The following KCNK9 variants were observed in gnomAD, a reference collection of about 807,000 sequenced individuals.
KCNK9 encodes potassium two pore domain channel subfamily K member 9, also known as potassium channel subfamily K member 9.
In KCNK9, 1 loss-of-function variant was observed where a neutral mutation model predicts 10.8. That is an observed-to-expected ratio of 0.09 (90% CI 0.03 to 0.44). The LOEUF (loss-of-function observed/expected upper bound fraction) is 0.44. Among genes scored for constraint, KCNK9 ranks in the 20% least tolerant of loss-of-function variants. KCNK9 has a pLI of 0.97. For synonymous variants in KCNK9, 231 were observed against 222.7 expected (o/e 1.04, Z -0.33); for missense variants, 303 against 515.0 (o/e 0.59, Z 3.98).
At chr8:139,690,738 G>A (rs571195990) in intron 1 of KCNK9, among the ~76,000 whole-genome samples, 1 of 152,264 alleles carries the variant, frequency 6.6e-6, no homozygotes, top group African/African-American at 2.4e-5. Context: ...CAAGCTTGAG[G>A]AGAGATTTGG....
At chr8:139,650,324 T>C (rs1236243753) in intron 1 of KCNK9, among the ~76,000 whole-genome samples, 1 of 152,168 alleles carries the variant, frequency 6.6e-6, no homozygotes, top group East Asian at 1.9e-4. Flanking sequence ...AACATTCCCA[T>C]CCCTGTGAGC....
chr8:139,696,419 C>T (rs1474705553), intron 1 of KCNK9, among the ~76,000 whole-genome samples: 1 of 152,204 alleles, frequency 6.6e-6, no homozygotes, highest in Non-Finnish European at 1.5e-5. Flanking sequence ...GGGATTGGCT[C>T]ACCATTTGCA....
chr8:139,626,907 C>A (rs921676197), intron 1 of KCNK9, among the ~76,000 whole-genome samples: 1 of 152,230 alleles, frequency 6.6e-6, no homozygotes, highest in Admixed American at 6.5e-5. Context: ...CCACCTGGCT[C>A]CCACGGAAGC....
chr8:139,620,370 A>G (rs1414639546), intron 1 of KCNK9, among the ~76,000 whole-genome samples: 7 of 152,098 alleles, frequency 4.6e-5, no homozygotes, highest in African/African-American at 1.7e-4. Context: ...GGGTTCCATA[A>G]GTTTTTTCAA....
chr8:139,608,091 G>A (rs926067474), downstream of KCNK9, among the ~76,000 whole-genome samples: 6 of 152,160 alleles, frequency 3.9e-5, no homozygotes, highest in African/African-American at 7.2e-5. Flanking sequence ...CTCCCTCCTC[G>A]AAATCAAGCA....
At chr8:139,669,224 G>A (rs1816371927) in intron 1 of KCNK9, among the ~76,000 whole-genome samples, 1 of 152,178 alleles carries the variant, frequency 6.6e-6, no homozygotes, top group Admixed American at 6.5e-5. Flanking sequence ...TTAGGGTGGT[G>A]GTTGCTAAAG....
At position 139,617,879 on chromosome 8, in the gene KCNK9, GC is replaced by G. The variant is rs1814648486; in HGVS notation, c.*378del. On this transcript the variant is annotated 3_prime_UTR_variant, in exon 2 of 2. Transcript: ENST00000520439. ...GATTGAAGGCTGAGCGTGATGTGCA[GC>G]TTTGGGGTGGGTATCCTCTCAGCTC... 3.2e-6 allele frequency: 1 copy of G among 314,364 alleles called. No homozygotes were observed. The highest frequency in any genetic ancestry group is 8.4e-5 in the East Asian group (1 of 11,934). 19.5% of individuals were successfully genotyped at this position (314,364 alleles called of 1,614,324 possible).
chr8:139,608,731 A>G (rs2130081577), downstream of KCNK9, among the ~76,000 whole-genome samples: 1 of 152,320 alleles, frequency 6.6e-6, no homozygotes, highest in Admixed American at 6.5e-5. Flanking sequence ...CCTTCAGGCC[A>G]GAGACCCCAT....
At chr8:139,631,518 A>G (rs1231606441) in intron 1 of KCNK9, among the ~76,000 whole-genome samples, 1 of 152,134 alleles carries the variant, frequency 6.6e-6, no homozygotes, top group Non-Finnish European at 1.5e-5. Context: ...CTGGGCGCCC[A>G]CACCTGGTCA....
rs78627231 is a variant in KCNK9 at position 139,686,582 on chromosome 8, G to A, written c.283+16128C>T. 7.5e-3 allele frequency among the ~76,000 whole-genome samples: 1,137 copies of A among 152,286 alleles called. 16 individuals are homozygous for A. The highest frequency in any genetic ancestry group is 0.026 in the African/African-American group (1,080 of 41,566). ...TAATCTTCTCAACAACCTTGAGGTC[G>A]ATTATTGTTGTTGTTATCATCCTCA... On this transcript the variant is annotated intron_variant, in intron 1 of 1. Transcript: ENST00000520439.
At chr8:139,676,143 C>CA (rs1309920771) in intron 1 of KCNK9, among the ~76,000 whole-genome samples, 1 of 152,256 alleles carries the variant, frequency 6.6e-6, no homozygotes, top group East Asian at 1.9e-4. Context: ...CTCTGACCTG[C>CA]ATTAATGTGA....
intron 1 of KCNK9, among the ~76,000 whole-genome samples, chr8:139,647,075 G>A (rs925069849): frequency 3.3e-5 from 5 of 152,240 alleles, no homozygotes; most frequent in African/African-American, 7.2e-5. Flanking sequence ...CTCTGTTGGC[G>A]GCAGGGGGCT....
At chr8:139,649,037 C>T (rs1470176854) in intron 1 of KCNK9, among the ~76,000 whole-genome samples, 2 of 152,146 alleles carry the variant, frequency 1.3e-5, no homozygotes, top group Non-Finnish European at 1.5e-5. Context: ...TAAACCCAAC[C>T]CAAGGATGCA....
chr8:139,609,111 A>ACCCCGCCCCACCCCG (rs1554617336), downstream of KCNK9, among the ~76,000 whole-genome samples: 171 of 67,296 alleles, frequency 2.5e-3, 2 homozygotes, highest in African/African-American at 9.6e-3. Flanking sequence ...ATCCCACCCC[A>ACCCCGCCCCACCCCG]CCCCGCCCCG....
At chr8:139,660,894 C>T (rs1816135989) in intron 1 of KCNK9, among the ~76,000 whole-genome samples, 1 of 152,280 alleles carries the variant, frequency 6.6e-6, no homozygotes, top group East Asian at 1.9e-4. Context: ...CAGTTGCTTC[C>T]ACTTTGAAAG....
At chr8:139,681,525 C>T (rs551110956) in intron 1 of KCNK9, among the ~76,000 whole-genome samples, 1 of 152,228 alleles carries the variant, frequency 6.6e-6, no homozygotes, top group Non-Finnish European at 1.5e-5. Flanking sequence ...CATCTCCTTA[C>T]TTTGAACTTG....
intron 1 of KCNK9, among the ~76,000 whole-genome samples, chr8:139,677,685 T>C (rs74558328): frequency 0.063 from 2,428 of 38,798 alleles, 170 homozygotes; most frequent in African/African-American, 0.16. Flanking sequence ...CCCAGCCCAG[T>C]GGGTTCCCAC....
chr8:139,676,034 G>A (rs2129748557), intron 1 of KCNK9, among the ~76,000 whole-genome samples: 1 of 152,298 alleles, frequency 6.6e-6, no homozygotes, highest in South Asian at 2.1e-4. Context: ...TTTTCTATTG[G>A]CTAGTTGAAT....
intron 1 of KCNK9, among the ~76,000 whole-genome samples, chr8:139,626,867 G>GA (rs1814994382): frequency 6.6e-6 from 1 of 152,378 alleles, no homozygotes; most frequent in East Asian, 1.9e-4. Flanking sequence ...GCAGGCTGGA[G>GA]AAGAGAGCTG....
Sources: gnomAD v4.1 joint callset for allele counts (sites outside exome capture counted in the v4.1 genomes callset) on GRCh38, gnomAD v4.1.1 for gene constraint, MANE v1.5 for transcripts, NCBI Gene and HGNC (gene_info 2026-07-23, HGNC 2026-07-21) for gene names.